Variants in HIBCH observed in about 807,000 individuals in gnomAD.
HIBCH encodes 3-hydroxyisobutyryl-CoA hydrolase, mitochondrial.
HIBCH carries 50 observed loss-of-function variants against 58.2 expected under a neutral mutation model. The ratio of observed to expected loss-of-function variants is 0.86; its 90% CI spans 0.68 to 1.09. HIBCH has a LOEUF of 1.09. Ranked by LOEUF, HIBCH falls within the 50% of genes least tolerant of loss-of-function variation. The pLI is 0.00. For synonymous variants in HIBCH, 151 were observed against 146.9 expected (o/e 1.03, Z -0.20); for missense variants, 450 against 449.7 (o/e 1.00, Z -0.01).
In HIBCH at chr2:190,281,441, G is replaced by A. The variant is rs772750606; in HGVS notation, c.438+6145C>T. Among the ~76,000 whole-genome samples, 20 of 152,144 alleles carry A rather than the reference G, an allele frequency of 1.3e-4. No individual in the cohort carries two copies. The highest frequency in any genetic ancestry group is 4.8e-4 in the African/African-American group (20 of 41,418). On this transcript the variant is annotated intron_variant, in intron 6 of 13. Transcript: ENST00000359678. The surrounding 1 kb of genome is among the most constrained non-coding windows in gnomAD (Gnocchi z 5.4). ...AGGCCCAAGCAGCCCCGGGCGGTAA[G>A]CTTATAGGGGGAGGCCCAAGTCCAT...
At chr2:190,308,666 C>T (rs1376280032) in intron 2 of HIBCH, among the ~76,000 whole-genome samples, 1 of 152,158 alleles carries the variant, frequency 6.6e-6, no homozygotes, top group African/African-American at 2.4e-5. Flanking sequence ...ACACCTTGAC[C>T]TTGGACTTCT....
At chr2:190,245,737 C>T (rs1397170711) in intron 10 of HIBCH, among the ~76,000 whole-genome samples, 1 of 152,052 alleles carries the variant, frequency 6.6e-6, no homozygotes, top group East Asian at 1.9e-4. Context: ...CGCCTGTAAT[C>T]CCAGCACTTT....
At chr2:190,316,200 A>G (rs1202895596) in intron 1 of HIBCH, among the ~76,000 whole-genome samples, 1 of 152,148 alleles carries the variant, frequency 6.6e-6, no homozygotes, top group Non-Finnish European at 1.5e-5. Context: ...GCTGGAGTGC[A>G]GTGGTATGAT....
At chr2:190,290,568 A>G in intron 4 of HIBCH, 83 bp from the exon 5 acceptor site, 1 of 899,590 alleles carries the variant, frequency 1.1e-6, no homozygotes, top group Non-Finnish European at 1.8e-6. Context: ...ATGAAAATTA[A>G]ATACTGGGGG....
At chr2:190,249,432 T>C (rs944300966) in intron 9 of HIBCH, among the ~76,000 whole-genome samples, 2 of 152,206 alleles carry the variant, frequency 1.3e-5, no homozygotes, top group African/African-American at 4.8e-5. Context: ...GGAAGACAGC[T>C]ATGCAGCTGC....
chr2:190,199,676 A>C, downstream of HIBCH: 1 of 1,401,602 alleles, frequency 7.1e-7, no homozygotes, highest in Non-Finnish European at 9.3e-7. Context: ...CTTCAAAATG[A>C]AACCTACCTT....
In HIBCH at chr2:190,303,891, G is replaced by T. The variant is rs114353747; in HGVS notation, c.78+6863C>A. Among the ~76,000 whole-genome samples the T allele has an allele frequency of 6.8e-3, 1,028 of 152,220 alleles. 13 individuals carry two copies. The highest frequency in any genetic ancestry group is 0.022 in the African/African-American group (934 of 41,536). On this transcript the variant is annotated intron_variant, in intron 2 of 13. Coordinates refer to ENST00000359678, the MANE Select transcript of HIBCH (RefSeq NM_014362.4). ...ACCCACAAATACTCCCTGATATGAT[G>T]AGATTAGAAGGGCACTTTTCCTCTG...
rs181671177 is a variant in HIBCH at position 190,232,827 on chromosome 2, G to A, written c.891+12060C>T. ...CAAAAAATTAGCCAGGTGTGGTGGC[G>A]GGCACCTGTAGTCCCAGCTACTCGG... is the stretch of plus-strand genomic sequence containing the variant. On this transcript the variant is annotated intron_variant, in intron 11 of 13. Coordinates refer to ENST00000359678, the MANE Select transcript of HIBCH (RefSeq NM_014362.4). Among the ~76,000 whole-genome samples the A allele has an allele frequency of 6.7e-3, 1,021 of 152,008 alleles. 11 individuals are homozygous for A. Among genetic ancestry groups the A allele is most frequent in the Non-Finnish European group, 9.7e-3 (657 of 67,946 alleles).
rs1177165565 is a variant in HIBCH at position 190,236,890 on chromosome 2, G to T, written c.891+7997C>A. The stretch of plus-strand genomic sequence containing the variant: ...GTCGCTAAGGCCCATCAGTGAACTA[G>T]AAAACTGTTTTCTCTTCTGTCTACA... On this transcript the variant is annotated intron_variant, in intron 11 of 13. Coordinates refer to ENST00000359678, the MANE Select transcript of HIBCH (RefSeq NM_014362.4). This position sits in a 1 kb window ranked among gnomAD's most constrained non-coding sequence, Gnocchi z 4.1. Among the ~76,000 whole-genome samples, 1 of 152,066 alleles carries T rather than the reference G, an allele frequency of 6.6e-6. No homozygotes were observed. Among genetic ancestry groups the T allele is most frequent in the Non-Finnish European group, 1.5e-5 (1 of 67,982 alleles).
intron 11 of HIBCH, among the ~76,000 whole-genome samples, chr2:190,218,600 G>A (rs1444324462): frequency 3.3e-5 from 5 of 152,066 alleles, no homozygotes; most frequent in Admixed American, 3.3e-4. Context: ...TAAAAATATG[G>A]GGATGTAACT....
intron 2 of HIBCH, among the ~76,000 whole-genome samples, chr2:190,309,701 G>A (rs1363025503): frequency 6.6e-6 from 1 of 151,798 alleles, no homozygotes; most frequent in African/African-American, 2.4e-5. Context: ...GACTGCAGGT[G>A]CCCGCCACCA....
chr2:190,252,105 T>C (rs985776682), intron 8 of HIBCH, 57 bp downstream of exon 8: 5 of 1,529,966 alleles, frequency 3.3e-6, no homozygotes, highest in African/African-American at 1.4e-5. Flanking sequence ...TACCTTCCCA[T>C]GCACTATTTT....
downstream of HIBCH, among the ~76,000 whole-genome samples, chr2:190,203,713 A>C (rs1315228527): frequency 6.6e-6 from 1 of 152,140 alleles, no homozygotes; most frequent in African/African-American, 2.4e-5. Context: ...TCTGTTACTG[A>C]ATTATTTGAA....
intron 2 of HIBCH, among the ~76,000 whole-genome samples, chr2:190,300,356 T>A (rs1021908032): frequency 6.6e-6 from 1 of 152,162 alleles, no homozygotes; most frequent in Non-Finnish European, 1.5e-5. Context: ...CAATAGCCAT[T>A]CTGACTGGTG....
intron 2 of HIBCH, among the ~76,000 whole-genome samples, chr2:190,297,623 T>TA (rs1688138111): frequency 1.3e-5 from 2 of 152,192 alleles, no homozygotes; most frequent in African/African-American, 4.8e-5. Context: ...CAATATAACT[T>TA]AATCACCAGG....
chr2:190,301,494 AAGG>A (rs1437059517), intron 2 of HIBCH, among the ~76,000 whole-genome samples: 1 of 152,300 alleles, frequency 6.6e-6, no homozygotes, highest in African/African-American at 2.4e-5. Context: ...GAGTTGGGGG[AAGG>A]AGTAGTGCCT....
rs1293122895 is a variant in HIBCH at position 190,281,855 on chromosome 2, A to G, written c.438+5731T>C. Among the ~76,000 whole-genome samples, 1 of 152,172 alleles carries G rather than the reference A, an allele frequency of 6.6e-6. No individual in the cohort carries two copies. The highest frequency in any genetic ancestry group is 1.5e-5 in the Non-Finnish European group (1 of 68,034). On this transcript the variant is annotated intron_variant, in intron 6 of 13. Transcript: ENST00000359678. The surrounding 1 kb of genome is among the most constrained non-coding windows in gnomAD (Gnocchi z 5.4). Reference sequence around the variant, plus strand: ...ATGGCTCTAAATTCCTGAATTCCATAAAGCCCTCAGACATGGACACATCCA... The same window carrying G: ...ATGGCTCTAAATTCCTGAATTCCATGAAGCCCTCAGACATGGACACATCCA...
intron 2 of HIBCH, among the ~76,000 whole-genome samples, chr2:190,305,649 T>C (rs912914108): frequency 1.3e-5 from 2 of 152,158 alleles, no homozygotes; most frequent in Non-Finnish European, 2.9e-5. Flanking sequence ...CAATCCATAA[T>C]AGCAATGTAG....
chr2:190,290,155 A>G (rs1687924948), intron 5 of HIBCH, among the ~76,000 whole-genome samples: 1 of 152,238 alleles, frequency 6.6e-6, no homozygotes, highest in Non-Finnish European at 1.5e-5. Context: ...CTGGGATTAC[A>G]GGCGTGAGCC....
Sources: allele counts gnomAD v4.1 joint callset (sites outside exome capture counted in the v4.1 genomes callset), GRCh38; gene constraint gnomAD v4.1.1; non-coding constraint Gnocchi (gnomAD v3.1); transcripts MANE v1.5; gene names NCBI Gene and HGNC (gene_info 2026-07-23, HGNC 2026-07-21).